The following RSAD1 variants were observed in gnomAD, a reference collection of about 807,000 sequenced individuals.
RSAD1 encodes the protein radical S-adenosyl methionine domain containing 1.
A neutral mutation model predicts 46.2 loss-of-function variants in RSAD1; 34 were observed. The observed-to-expected ratio is 0.74, with a 90% confidence interval of 0.56 to 0.98. RSAD1 has a LOEUF of 0.98. Among genes scored for constraint, RSAD1 ranks in the 50% least tolerant of loss-of-function variants. The pLI is 0.00. For missense variants in RSAD1, 635 were observed against 592.3 expected (o/e 1.07, Z -0.75); for synonymous variants, 260 against 253.5 (o/e 1.03, Z -0.24).
Position 50,484,909 on chromosome 17 carries a change from C to A in RSAD1, c.*48C>A. ...GGTAATGCCAGGTGGGTTTTGAGAG[C>A]TGGGTCGGTACTGCAGACATCTCTT... is the stretch of plus-strand genomic sequence containing the variant. On this transcript the variant is annotated 3_prime_UTR_variant, in exon 9 of 9. Coordinates refer to ENST00000258955, the MANE Select transcript of RSAD1 (RefSeq NM_018346.3). The A allele has an allele frequency of 1.4e-6, 2 of 1,480,308 alleles. No homozygotes were observed. Among genetic ancestry groups the A allele is most frequent in the Non-Finnish European group, 1.9e-6 (2 of 1,059,414 alleles). The allele number at this position is 1,480,308 out of a possible 1,614,324, so 91.7% of individuals were successfully genotyped here. A position where few individuals can be genotyped will look rare whatever the true frequency, so the allele number is the denominator to read the frequency against.
intron 5 of RSAD1, among the ~76,000 whole-genome samples, 167 bp from the exon 6 acceptor site, chr17:50,483,172 CA>C (rs71353643): frequency 1.3e-4 from 9 of 68,476 alleles, no homozygotes; most frequent in Non-Finnish European, 2.3e-4. Flanking sequence ...GACACCACCT[CA>C]AAAAAAAAAA....
At chr17:50,483,939 C>A in intron 7 of RSAD1, 179 bp downstream of exon 7, 2 of 612,120 alleles carry the variant, frequency 3.3e-6, no homozygotes, top group Non-Finnish European at 2.8e-6. Context: ...TGGTGCATAG[C>A]TAAGAACCCT....
intron 7 of RSAD1, chr17:50,483,997 C>T: frequency 1.9e-6 from 1 of 527,700 alleles, no homozygotes; most frequent in Non-Finnish European, 3.3e-6. Flanking sequence ...TTTACTGCAA[C>T]CTTGGACACA....
At chr17:50,482,026 T>C in intron 3 of RSAD1, 65 bp from the exon 4 acceptor site, 1 of 1,471,598 alleles carries the variant, frequency 6.8e-7, no homozygotes, top group Non-Finnish European at 9.0e-7. Context: ...GTGTCTACAA[T>C]GGGGAGGAGG....
intron 3 of RSAD1, 21 bp from the exon 4 acceptor site, chr17:50,482,070 A>G: frequency 6.6e-7 from 1 of 1,519,876 alleles, no homozygotes; most frequent in East Asian, 2.4e-5. Flanking sequence ...TGGTATGCTT[A>G]CACCCACCCT....
At position 50,479,874 on chromosome 17, in the gene RSAD1, C is replaced by A. The variant is rs571606027; in HGVS notation, c.270-6C>A. On this transcript the variant is annotated splice_region_variant and splice_polypyrimidine_tract_variant and intron_variant, in intron 2 of 8. Coordinates refer to ENST00000258955, the MANE Select transcript of RSAD1 (RefSeq NM_018346.3). ...CAGGTCTCATTTCTCCATTCTCTTT[C>A]CCCAGGGTGGAGTCTGTGTTCTTTG... The A allele has an allele frequency of 1.9e-6, 3 of 1,609,358 alleles. No homozygotes were observed. The African/African-American group carries it at 4.0e-5, about 22-fold the overall frequency.
At chr17:50,480,202 CAGT>C in intron 3 of RSAD1, 118 bp downstream of exon 3, 1 of 1,003,302 alleles carries the variant, frequency 1.0e-6, no homozygotes, top group Non-Finnish European at 1.6e-6. Flanking sequence ...GCCAGGGACA[CAGT>C]AGGGCCTAGT....
Position 50,484,743 on chromosome 17 carries a change from G to GT in RSAD1, c.1212-1_1212insT (p.Arg404SerfsTer55). ...CACCTTCAGGCCTCTTGGTTTTCCA[G>GT]GGGTCTTCGGTGTTCCTGGGAGGGT... On this transcript the variant is annotated frameshift_variant and splice_region_variant. Transcript: ENST00000258955. LOFTEE classifies it high-confidence loss of function. The GT allele has an allele frequency of 6.2e-7, 1 of 1,612,576 alleles. No homozygotes were observed. Among genetic ancestry groups the GT allele is most frequent in the South Asian group, 1.1e-5 (1 of 91,064 alleles).
rs757554146 is a variant in RSAD1 at position 50,479,875 on chromosome 17, C to T, written c.270-5C>T. 21 of 1,609,722 alleles carry T rather than the reference C, an allele frequency of 1.3e-5. No individual in the cohort carries two copies. The South Asian group carries it at 1.9e-4, about 14-fold the overall frequency. On this transcript the variant is annotated splice_region_variant and splice_polypyrimidine_tract_variant and intron_variant, in intron 2 of 8. Coordinates refer to ENST00000258955, the MANE Select transcript of RSAD1 (RefSeq NM_018346.3). The stretch of plus-strand genomic sequence containing the variant: ...AGGTCTCATTTCTCCATTCTCTTTC[C>T]CCAGGGTGGAGTCTGTGTTCTTTGG...
rs1811735471 is a variant in RSAD1 at position 50,480,080 on chromosome 17, T to C, written c.470T>C (p.Leu157Pro). The change falls in exon 3 of 9, where the codon CTC (leucine) becomes CCC (proline). Residue 157 changes from leucine (L) to proline (P), a missense_variant. Leu to Pro is a moderately conservative substitution (Grantham distance 98, BLOSUM62 -3). Coordinates refer to ENST00000258955, the MANE Select transcript of RSAD1 (RefSeq NM_018346.3). Reference sequence around the variant, plus strand: ...GGGGTTAACAGGTTGTCTATAGGCCTCCAGGTAACCCATGGCACTCACCCC... The same window carrying C: ...GGGGTTAACAGGTTGTCTATAGGCCCCCAGGTAACCCATGGCACTCACCCC... ...AAGVNRLSIG[L>P]QSLDDTELRL... is the part of the protein sequence containing the mutation. 1 of 1,613,958 alleles carries C rather than the reference T, an allele frequency of 6.2e-7. No individual in the cohort carries two copies. Among genetic ancestry groups the C allele is most frequent in the South Asian group, 1.1e-5 (1 of 91,078 alleles).
chr17:50,482,431 A>G lies in RSAD1; in HGVS notation c.815A>G (p.Tyr272Cys). 2 of 1,589,186 alleles carry G rather than the reference A, an allele frequency of 1.3e-6. No homozygotes were observed. The highest frequency in any genetic ancestry group is 1.7e-6 in the Non-Finnish European group (2 of 1,170,156). Residue 272 changes from tyrosine to cysteine, a missense_variant, in exon 4 of 9, where the codon TAT becomes TGT. By Grantham distance (194) the Tyr-to-Cys change is radical. Coordinates refer to ENST00000258955, the MANE Select transcript of RSAD1 (RefSeq NM_018346.3). ...AVLREAGFHQ[Y>C]EVSNFARNGA... is the part of the protein sequence containing the mutation. ...CTTCGGGAGGCTGGCTTCCACCAGTATGAGGTCTCCAACTTTGCCCGGAAT... is the reference window on the plus strand; with the variant it reads ...CTTCGGGAGGCTGGCTTCCACCAGTGTGAGGTCTCCAACTTTGCCCGGAAT...
At chr17:50,484,600 T>A in intron 8 of RSAD1, 55 bp downstream of exon 8, 1 of 1,570,772 alleles carries the variant, frequency 6.4e-7, no homozygotes, top group Non-Finnish European at 8.7e-7. Context: ...GAGCCCTGAC[T>A]ACAGCTCTCC....
At position 50,484,916 on chromosome 17, in the gene RSAD1, G is replaced by A. The variant is rs78909757; in HGVS notation, c.*55G>A. The A allele has an allele frequency of 7.7e-3, 10,682 of 1,385,966 alleles. 576 individuals are homozygous for A. In the African/African-American group the frequency reaches 0.13, roughly 16 times the overall value. The allele number at this position is 1,385,966 out of a possible 1,614,324, so 85.9% of individuals were successfully genotyped here. A position where few individuals can be genotyped will look rare whatever the true frequency, so the allele number is the denominator to read the frequency against. On this transcript the variant is annotated 3_prime_UTR_variant, in exon 9 of 9. Coordinates refer to ENST00000258955, the MANE Select transcript of RSAD1 (RefSeq NM_018346.3). ...CCAGGTGGGTTTTGAGAGCTGGGTC[G>A]GTACTGCAGACATCTCTTCTCCGTT...
intron 7 of RSAD1, chr17:50,484,075 C>A (rs2033419547): frequency 4.4e-6 from 2 of 455,806 alleles, no homozygotes; most frequent in African/African-American, 2.0e-5. Context: ...AAAGGGTTTC[C>A]ACTTGTTTTT....
intron 3 of RSAD1, 122 bp downstream of exon 3, chr17:50,480,206 A>G: frequency 1.0e-6 from 1 of 963,884 alleles, no homozygotes; most frequent in Non-Finnish European, 1.6e-6. Flanking sequence ...GGGACACAGT[A>G]GGGCCTAGTG....
chr17:50,484,946 G>A lies in RSAD1; in HGVS notation c.*85G>A. On this transcript the variant is annotated 3_prime_UTR_variant, in exon 9 of 9. Transcript: ENST00000258955. ...TGCAGACATCTCTTCTCCGTTGTCG[G>A]GTGCCGTCTCTGCTCCTTGTGGTTA... 9.1e-7 allele frequency: 1 copy of A among 1,102,996 alleles called. No individual in the cohort carries two copies. 68.3% of individuals were successfully genotyped at this position (1,102,996 alleles called of 1,614,324 possible).
rs1379195994 is a variant in RSAD1 at position 50,483,383 on chromosome 17, C to T, written c.948C>T (p.Thr316=). 3 of 1,613,854 alleles carry T rather than the reference C, an allele frequency of 1.9e-6. No individual in the cohort carries two copies. The highest frequency in any genetic ancestry group is 3.3e-4 in the Middle Eastern group (2 of 6,060). The part of the protein sequence containing the change: ...RFMPQGAGGH[T]REARIQTLEP... The stretch of plus-strand genomic sequence containing the variant: ...TGCCCCAGGGGGCTGGAGGCCACAC[C>T]CGGGAGGCTCGGATCCAGACACTGG... Residue 316 remains threonine, a synonymous_variant, in exon 6 of 9, where the codon ACC becomes ACT. Transcript: ENST00000258955.
rs2033344064 is a variant in RSAD1 at position 50,478,927 on chromosome 17, G to A, written c.43G>A (p.Ala15Thr). Residue 15 changes from alanine to threonine, a missense_variant, in exon 1 of 9, where the codon GCC becomes ACC. By Grantham distance (58) the Ala-to-Thr change is moderately conservative. Transcript: ENST00000258955. ...CCGGGCTCGCGGCTGGGCGGCAGCA[G>A]CCAGAGCGGCCCAGAGGCGCCGCCG... ...GARARGWAAA[A>T]RAAQRRRRVE... is the part of the protein sequence containing the mutation. 3 of 1,357,580 alleles carry A rather than the reference G, an allele frequency of 2.2e-6. No individual in the cohort carries two copies. Among genetic ancestry groups the A allele is most frequent in the African/African-American group, 3.1e-5 (2 of 65,506 alleles). 84.1% of individuals were successfully genotyped at this position (1,357,580 alleles called of 1,614,324 possible). A position where few individuals can be genotyped will look rare whatever the true frequency, so the allele number is the denominator to read the frequency against.
intron 3 of RSAD1, 58 bp from the exon 4 acceptor site, chr17:50,482,033 G>T: frequency 6.8e-7 from 1 of 1,478,624 alleles, no homozygotes. Flanking sequence ...CAATGGGGAG[G>T]AGGGTTCTTG....
Sources: allele counts gnomAD v4.1 joint callset (sites outside exome capture counted in the v4.1 genomes callset), GRCh38; gene constraint gnomAD v4.1.1; transcripts MANE v1.5; gene names NCBI Gene and HGNC (gene_info 2026-07-23, HGNC 2026-07-21).